Variants in CTNNB1 observed in about 807,000 individuals in gnomAD.
CTNNB1 encodes the protein catenin beta-1.
CTNNB1 carries 6 observed loss-of-function variants against 82.5 expected under a neutral mutation model. The observed-to-expected ratio is 0.07, with a 90% confidence interval of 0.04 to 0.14. CTNNB1 has a LOEUF of 0.14. Among genes scored for constraint, CTNNB1 ranks in the 10% least tolerant of loss-of-function variants. The probability of loss-of-function intolerance (pLI) is 1.00; values close to 1 mark genes in which losing one functional copy is unlikely to be tolerated. For synonymous variants in CTNNB1, 312 were observed against 329.7 expected (o/e 0.95, Z 0.58); for missense variants, 529 against 980.4 (o/e 0.54, Z 6.15).
At position 41,224,030 on chromosome 3, in the gene CTNNB1, A is replaced by G. The variant is rs1047558623; in HGVS notation, c.-39A>G. 3.7e-6 allele frequency: 6 copies of G among 1,608,436 alleles called. No homozygotes were observed. Among genetic ancestry groups the G allele is most frequent in the Non-Finnish European group, 5.1e-6 (6 of 1,174,880 alleles). Reference sequence around the variant, plus strand: ...GATTAACTTTTTTTAGGGTATTTGAAGTATACCATACAACTGTTTTGAAAA... The same window carrying G: ...GATTAACTTTTTTTAGGGTATTTGAGGTATACCATACAACTGTTTTGAAAA... On this transcript the variant is annotated 5_prime_UTR_variant, in exon 2 of 15. Transcript: ENST00000349496.
chr3:41,208,949 G>A (rs1162109372), intron 1 of CTNNB1, among the ~76,000 whole-genome samples: 1 of 152,026 alleles, frequency 6.6e-6, no homozygotes, highest in Non-Finnish European at 1.5e-5. Context: ...AAATAACCTT[G>A]AAAAATTGCT....
At chr3:41,214,622 G>C (rs865815717) in intron 1 of CTNNB1, among the ~76,000 whole-genome samples, 2 of 151,970 alleles carry the variant, frequency 1.3e-5, no homozygotes, top group Admixed American at 6.6e-5. Flanking sequence ...TCTATTACAG[G>C]TCTTCACATT....
intron 7 of CTNNB1, among the ~76,000 whole-genome samples, chr3:41,229,652 A>C (rs1575323679): frequency 2.6e-5 from 4 of 152,286 alleles, no homozygotes; most frequent in Middle Eastern, 3.4e-3. Context: ...GTTTGCAAAC[A>C]GACTTCCTAT....
At chr3:41,233,301 A>G (rs2125637321) in intron 7 of CTNNB1, 40 bp from the exon 8 acceptor site, 1 of 1,552,920 alleles carries the variant, frequency 6.4e-7, no homozygotes, top group Non-Finnish European at 8.9e-7. Flanking sequence ...AGGCACTTCT[A>G]GCTAATGACT....
chr3:41,227,307 G>T lies in CTNNB1; in HGVS notation c.1036G>T (p.Val346Leu). The change falls in exon 7 of 15, where the codon GTG (valine) becomes TTG (leucine). Residue 346 changes from valine (V) to leucine (L), a missense_variant. Physicochemically the swap from Val to Leu is conservative, Grantham distance 32 (BLOSUM62 1). This residue lies in a region of CTNNB1 where 411 missense variants were observed against 776.4 expected (regional missense o/e 0.53). Coordinates refer to ENST00000349496, the MANE Select transcript of CTNNB1 (RefSeq NM_001904.4). ...LLWTTSRVLK[V>L]LSVCSSNKPA... ...GTGGACCACAAGCAGAGTGCTGAAG[G>T]TGCTATCTGTCTGCTCTAGTAATAA... 1 of 1,613,960 alleles carries T rather than the reference G, an allele frequency of 6.2e-7. No individual in the cohort carries two copies. The highest frequency in any genetic ancestry group is 8.5e-7 in the Non-Finnish European group (1 of 1,179,894).
At chr3:41,216,810 C>G (rs549184195) in intron 1 of CTNNB1, among the ~76,000 whole-genome samples, 22 of 152,118 alleles carry the variant, frequency 1.4e-4, no homozygotes, top group Admixed American at 4.6e-4. Context: ...TATGCAGATG[C>G]CTTGCATACT....
rs779228187 is a variant in CTNNB1, at chr3:41,236,583, C to G, written c.1955-5C>G. 1.2e-5 allele frequency: 19 copies of G among 1,614,090 alleles called. No individual in the cohort carries two copies. The highest frequency in any genetic ancestry group is 1.6e-4 in the Middle Eastern group (1 of 6,084). ...CTCAAGGGCCTTTTTCTCCTTGTCTCTTAGCGACATATGCAGCTGCTGTTT... is the reference window on the plus strand; with the variant it reads ...CTCAAGGGCCTTTTTCTCCTTGTCTGTTAGCGACATATGCAGCTGCTGTTT... On this transcript the variant is annotated splice_region_variant and splice_polypyrimidine_tract_variant and intron_variant, in intron 12 of 14. Coordinates refer to ENST00000349496, the MANE Select transcript of CTNNB1 (RefSeq NM_001904.4).
chr3:41,209,825 A>G (rs2077736356), intron 1 of CTNNB1, among the ~76,000 whole-genome samples: 1 of 152,246 alleles, frequency 6.6e-6, no homozygotes, highest in Admixed American at 6.5e-5. Flanking sequence ...TGGAGCTTGC[A>G]GGATATGTTG....
intron 10 of CTNNB1, chr3:41,234,506 C>T: frequency 3.3e-6 from 2 of 597,346 alleles, no homozygotes; most frequent in Non-Finnish European, 5.9e-6. Context: ...TTGGACACGT[C>T]CTTCACATGG....
At chr3:41,218,403 TCTTA>T (rs2077961938) in intron 1 of CTNNB1, among the ~76,000 whole-genome samples, 1 of 152,178 alleles carries the variant, frequency 6.6e-6, no homozygotes, top group Non-Finnish European at 1.5e-5. Context: ...TTATAGTTCT[TCTTA>T]AATCAAGAAC....
chr3:41,220,162 T>A (rs2078008889), intron 1 of CTNNB1, among the ~76,000 whole-genome samples: 1 of 152,102 alleles, frequency 6.6e-6, no homozygotes, highest in African/African-American at 2.4e-5. Context: ...GGAAACATAC[T>A]AATTTTTCCC....
At chr3:41,208,944 A>G (rs368324217) in intron 1 of CTNNB1, among the ~76,000 whole-genome samples, 6 of 152,232 alleles carry the variant, frequency 3.9e-5, no homozygotes, top group Middle Eastern at 6.8e-3. Context: ...CCGCAAAATA[A>G]CCTTGAAAAA....
chr3:41,222,027 C>T (rs1258729206), intron 1 of CTNNB1: 2 of 152,112 alleles, frequency 1.3e-5, no homozygotes, highest in Non-Finnish European at 2.9e-5. Context: ...TCCACCCTAT[C>T]CCTAGTTTCA....
At chr3:41,211,655 A>G (rs904617681) in intron 1 of CTNNB1, among the ~76,000 whole-genome samples, 1 of 152,210 alleles carries the variant, frequency 6.6e-6, no homozygotes, top group Non-Finnish European at 1.5e-5. Flanking sequence ...ATTTGCTTAC[A>G]ATAAATAGTC....
Position 41,236,394 on chromosome 3 carries a change from G to A in CTNNB1, c.1849G>A (p.Val617Ile), listed in dbSNP as rs1168206875. Residue 617 changes from valine (V) to isoleucine (I), a missense_variant, in exon 12 of 15, where the codon GTC becomes ATC. Physicochemically the swap from Val to Ile is conservative, Grantham distance 29. Coordinates refer to ENST00000349496, the MANE Select transcript of CTNNB1 (RefSeq NM_001904.4). ...AAACATCCAAAGAGTAGCTGCAGGG[G>A]TCCTCTGTGAACTTGCTCAGGACAA... ...IENIQRVAAGVLCELAQDKEA... is the reference protein window; with the variant it reads ...IENIQRVAAGILCELAQDKEA... The A allele has an allele frequency of 1.2e-6, 2 of 1,614,170 alleles. No individual in the cohort carries two copies. The highest frequency in any genetic ancestry group is 2.2e-5 in the East Asian group (1 of 44,882).
intron 10 of CTNNB1, chr3:41,235,023 T>G: frequency 6.5e-6 from 1 of 154,618 alleles, no homozygotes; most frequent in Non-Finnish European, 1.4e-5. Flanking sequence ...CCCATCTCCA[T>G]GAGGTGACTT....
At chr3:41,227,159 T>C (rs769937913) in intron 6 of CTNNB1, 49 bp from the exon 7 acceptor site, 2 of 1,485,878 alleles carry the variant, frequency 1.3e-6, no homozygotes, top group African/African-American at 2.8e-5. Flanking sequence ...TTCTCAGACA[T>C]GTGATCAAGA....
intron 10 of CTNNB1, 69 bp from the exon 11 acceptor site, chr3:41,235,655 G>C: frequency 6.3e-7 from 1 of 1,595,652 alleles, no homozygotes; most frequent in Non-Finnish European, 8.6e-7. Flanking sequence ...AATAATTACA[G>C]TCTAATAATT....
At chr3:41,208,386 C>T (rs2077698270) in intron 1 of CTNNB1, among the ~76,000 whole-genome samples, 2 of 152,096 alleles carry the variant, frequency 1.3e-5, no homozygotes, top group South Asian at 4.1e-4. Context: ...TATTTTCTAC[C>T]CTAACTCAAC....
Sources: gnomAD v4.1 joint callset for allele counts (sites outside exome capture counted in the v4.1 genomes callset) on GRCh38, gnomAD v4.1.1 for gene constraint, gnomAD v4.1.1 regional missense constraint, MANE v1.5 for transcripts, NCBI Gene and HGNC (gene_info 2026-07-23, HGNC 2026-07-21) for gene names.